The following NCK2 variants were observed in gnomAD, a reference collection of about 807,000 sequenced individuals.
NCK2 encodes the protein NCK adaptor protein 2.
NCK2 carries 16 observed loss-of-function variants against 33.9 expected under a neutral mutation model. The observed-to-expected ratio is 0.47, with a 90% confidence interval of 0.32 to 0.72. NCK2 has a LOEUF of 0.72. Ranked by LOEUF, NCK2 falls within the 30% of genes least tolerant of loss-of-function variation. The probability of loss-of-function intolerance (pLI) is 0.03; values close to 1 mark genes in which losing one functional copy is unlikely to be tolerated. For missense variants in NCK2, 418 were observed against 537.3 expected, an observed-to-expected ratio of 0.78 and a Z score of 2.19; for synonymous variants, 273 against 239.9, an observed-to-expected ratio of 1.14 and a Z score of -1.27.
chr2:105,763,048 A>G (rs1000109365), intron 1 of NCK2, among the ~76,000 whole-genome samples: 1 of 152,132 alleles, frequency 6.6e-6, no homozygotes, highest in African/African-American at 2.4e-5. Flanking sequence ...ATACAAAAGA[A>G]TTAGCCAGGC....
In NCK2 at chr2:105,894,216, C is replaced by T. The variant is rs1469291007; in HGVS notation, c.*1040C>T. The T allele has an allele frequency of 6.6e-6, 1 of 152,384 alleles. No homozygotes were observed. Among genetic ancestry groups the T allele is most frequent in the Non-Finnish European group, 1.5e-5 (1 of 68,004 alleles). 9.4% of individuals were successfully genotyped at this position (152,384 alleles called of 1,614,324 possible). A position where few individuals can be genotyped will look rare whatever the true frequency, so the allele number is the denominator to read the frequency against. The stretch of plus-strand genomic sequence containing the variant: ...GATTGAAGAAGGGGTCTTGAGATCC[C>T]CTAAACTTGCATACCCAGTTTTTTG... On this transcript the variant is annotated 3_prime_UTR_variant, in exon 5 of 5. Transcript: ENST00000233154.
chr2:105,778,623 G>A (rs1438188824), intron 1 of NCK2, among the ~76,000 whole-genome samples: 1 of 152,214 alleles, frequency 6.6e-6, no homozygotes, highest in Non-Finnish European at 1.5e-5. Context: ...CTATTAACTG[G>A]AGTTTCTGCA....
chr2:105,782,159 G>A (rs1214527708), intron 1 of NCK2, among the ~76,000 whole-genome samples: 1 of 152,160 alleles, frequency 6.6e-6, no homozygotes, highest in African/African-American at 2.4e-5. Context: ...GCCTATCACC[G>A]ATCATCTCTT....
At chr2:105,790,740 A>C (rs1039337267) in intron 1 of NCK2, among the ~76,000 whole-genome samples, 3 of 151,994 alleles carry the variant, frequency 2.0e-5, no homozygotes, top group Admixed American at 2.0e-4. Flanking sequence ...TCTTCAGGAG[A>C]CTGTACCTGT....
chr2:105,827,402 C>T (rs1053066872), intron 2 of NCK2, among the ~76,000 whole-genome samples: 1 of 152,182 alleles, frequency 6.6e-6, no homozygotes, highest in African/African-American at 2.4e-5. Context: ...CATGATTATA[C>T]TTGAAGATCT....
intron 2 of NCK2, among the ~76,000 whole-genome samples, chr2:105,844,302 A>AG (rs1328515364): frequency 6.6e-6 from 1 of 152,188 alleles, no homozygotes; most frequent in Non-Finnish European, 1.5e-5. Context: ...AAGGACATTA[A>AG]GGGAAAGCTA....
Position 105,745,094 on chromosome 2 carries a change from G to T in NCK2, c.-245G>T, listed in dbSNP as rs1467333439. The T allele has an allele frequency of 6.8e-6, 1 of 147,508 alleles. No homozygotes were observed. The highest frequency in any genetic ancestry group is 2.4e-5 in the African/African-American group (1 of 40,912). The allele number at this position is 147,508 out of a possible 1,614,324, so 9.1% of individuals were successfully genotyped here. A position where few individuals can be genotyped will look rare whatever the true frequency, so the allele number is the denominator to read the frequency against. ...GGGCGCAGCGCGGCCACCGCCCCGGGACCCGCGCCGCTGCCCTCCGGCTCC... is the reference window on the plus strand; with the variant it reads ...GGGCGCAGCGCGGCCACCGCCCCGGTACCCGCGCCGCTGCCCTCCGGCTCC... On this transcript the variant is annotated 5_prime_UTR_variant, in exon 1 of 5. Transcript: ENST00000233154.
chr2:105,774,661 A>G (rs1434714042), intron 1 of NCK2, among the ~76,000 whole-genome samples: 2 of 151,896 alleles, frequency 1.3e-5, no homozygotes, highest in African/African-American at 2.4e-5. Flanking sequence ...GGGCCTGTCC[A>G]CTCTGTGGTG....
At chr2:105,863,569 G>C (rs559111655) in intron 3 of NCK2, among the ~76,000 whole-genome samples, 2 of 152,218 alleles carry the variant, frequency 1.3e-5, no homozygotes, top group East Asian at 3.9e-4. Context: ...GAAGGATAAG[G>C]CTTAGTCCCT....
At chr2:105,812,263 G>A (rs12053259) in intron 1 of NCK2, among the ~76,000 whole-genome samples, 43,490 of 152,120 alleles carry the variant, frequency 0.29, 7,008 homozygotes, top group South Asian at 0.39. Flanking sequence ...AGAGACAGCT[G>A]AGGTCATCTC....
At chr2:105,888,662 A>T (rs1678823326) in intron 4 of NCK2, among the ~76,000 whole-genome samples, 1 of 152,182 alleles carries the variant, frequency 6.6e-6, no homozygotes. Context: ...TGAGCAACTC[A>T]CTTCTAATGA....
At chr2:105,787,104 C>T (rs1397244271) in intron 1 of NCK2, among the ~76,000 whole-genome samples, 1 of 152,252 alleles carries the variant, frequency 6.6e-6, no homozygotes, top group East Asian at 1.9e-4. Context: ...TGGCACTGGG[C>T]AGCTGCTGTT....
intron 2 of NCK2, among the ~76,000 whole-genome samples, chr2:105,853,271 T>C (rs1677134116): frequency 6.6e-6 from 1 of 152,174 alleles, no homozygotes; most frequent in Non-Finnish European, 1.5e-5. Flanking sequence ...AAGTAGAGAG[T>C]TGCTAAAATA....
Position 105,881,775 on chromosome 2 carries a change from T to A in NCK2, c.674T>A (p.Ile225Asn). The A allele has an allele frequency of 6.2e-7, 1 of 1,613,988 alleles. No individual in the cohort carries two copies. The highest frequency in any genetic ancestry group is 8.5e-7 in the Non-Finnish European group (1 of 1,179,930). The change falls in exon 4 of 5, where the codon ATT becomes AAT. Residue 225 changes from isoleucine to asparagine, a missense_variant. Coordinates refer to ENST00000233154, the MANE Select transcript of NCK2 (RefSeq NM_003581.5). ...NFEKGETMEV[I>N]EKPENDPEWW... ...GAGAAGGGGGAGACCATGGAGGTGA[T>A]TGAGAAGCCGGAGAACGACCCCGAG...
At chr2:105,795,571 G>T (rs1275374738) in intron 1 of NCK2, among the ~76,000 whole-genome samples, 1 of 152,182 alleles carries the variant, frequency 6.6e-6, no homozygotes, top group African/African-American at 2.4e-5. Flanking sequence ...TAGTTTACAT[G>T]TATGCTCCGT....
At chr2:105,805,810 G>GTA (rs1475087042) in intron 1 of NCK2, among the ~76,000 whole-genome samples, 1 of 152,126 alleles carries the variant, frequency 6.6e-6, no homozygotes, top group Non-Finnish European at 1.5e-5. Flanking sequence ...TCTTGTGTGT[G>GTA]TATATATATA....
At chr2:105,770,566 C>G (rs972463216) in intron 1 of NCK2, among the ~76,000 whole-genome samples, 1 of 152,120 alleles carries the variant, frequency 6.6e-6, no homozygotes, top group African/African-American at 2.4e-5. Flanking sequence ...GAATATCTGT[C>G]ATTTTTAGAG....
intron 3 of NCK2, among the ~76,000 whole-genome samples, chr2:105,871,462 A>T (rs999528285): frequency 6.6e-6 from 1 of 151,374 alleles, no homozygotes; most frequent in Non-Finnish European, 1.5e-5. Context: ...GGAGATGGGG[A>T]TTTGCTAAGC....
intron 1 of NCK2, among the ~76,000 whole-genome samples, chr2:105,799,918 G>C (rs145654575): frequency 1.7e-4 from 26 of 152,202 alleles, no homozygotes; most frequent in African/African-American, 5.8e-4. Context: ...AACAGTGAGA[G>C]AAACACTCAA....
Sources: gnomAD v4.1 joint callset for allele counts (sites outside exome capture counted in the v4.1 genomes callset) on GRCh38, gnomAD v4.1.1 for gene constraint, MANE v1.5 for transcripts, NCBI Gene and HGNC (gene_info 2026-07-23, HGNC 2026-07-21) for gene names.